DAB1: variants seen among roughly 807,000 people sequenced by gnomAD.
The protein encoded by DAB1 is DAB adaptor protein 1, also known as disabled homolog 1.
Under a neutral mutation model 64.6 loss-of-function variants are expected in DAB1, and 15 were observed. The ratio of observed to expected loss-of-function variants is 0.23; its 90% confidence interval spans 0.16 to 0.36. The LOEUF is 0.36. Among genes scored for constraint, DAB1 ranks in the 10% least tolerant of loss-of-function variants. The pLI is 1.00. For missense variants in DAB1, 596 were observed against 706.7 expected (o/e 0.84, Z 1.78); for synonymous variants, 235 against 251.9 (o/e 0.93, Z 0.64).
At position 57,223,600 on chromosome 1, in the gene DAB1, A is replaced by G. The variant is rs1408409272; in HGVS notation, c.67+67364T>C. Among the ~76,000 whole-genome samples, 4 of 152,182 alleles carry G rather than the reference A, an allele frequency of 2.6e-5. No homozygotes were observed. In the East Asian group the frequency reaches 7.7e-4, roughly 29 times the overall value. On this transcript the variant is annotated intron_variant, in intron 2 of 14. Coordinates refer to ENST00000371236, the MANE Select transcript of DAB1 (RefSeq NM_001365792.1). Reference sequence around the variant, plus strand: ...CTGAGTGGATGGAAGCCACGCCCAAACAAGGATATGATCCCTGGGCAGGCA... The same window carrying G: ...CTGAGTGGATGGAAGCCACGCCCAAGCAAGGATATGATCCCTGGGCAGGCA...
In DAB1 at chr1:57,645,735, C is replaced by G. The variant is rs184161276; in HGVS notation, n.625+3857G>C. Among the ~76,000 whole-genome samples the G allele has an allele frequency of 6.6e-5, 10 of 152,260 alleles. No individual in the cohort carries two copies. The East Asian group carries it at 1.9e-3, about 29-fold the overall frequency. On this transcript the variant is annotated intron_variant and non_coding_transcript_variant, in intron 7 of 20. Coordinates refer to the DAB1 transcript ENST00000485760. The stretch of plus-strand genomic sequence containing the variant: ...TGAAGCTTAAAGGGATTGATTTGCT[C>G]AATGTCAGACAGCTGTTATATCTTG...
chr1:57,577,748 C>A (rs549680225), intron 7 of DAB1, among the ~76,000 whole-genome samples: 1 of 152,316 alleles, frequency 6.6e-6, no homozygotes, highest in South Asian at 2.1e-4. Flanking sequence ...TTTCTGAGGG[C>A]AGACTCTGGA....
intron 1 of DAB1, among the ~76,000 whole-genome samples, chr1:57,321,572 T>C (rs1268808108): frequency 6.6e-6 from 1 of 152,178 alleles, no homozygotes; most frequent in Non-Finnish European, 1.5e-5. Context: ...CTGAATACAC[T>C]TGAAATCACA....
At chr1:58,512,368 T>A (rs1121422) in intron 2 of DAB1, among the ~76,000 whole-genome samples, 47,283 of 151,978 alleles carry the variant, frequency 0.31, 7,784 homozygotes, top group African/African-American at 0.42. Flanking sequence ...TTTTAAAAAG[T>A]ACTATCATTA....
intron 5 of DAB1, among the ~76,000 whole-genome samples, chr1:57,913,206 A>C (rs1644674474): frequency 6.6e-6 from 1 of 152,016 alleles, no homozygotes; most frequent in Non-Finnish European, 1.5e-5. Context: ...CTACAAGGCT[A>C]CTGTAACCAA....
intron 5 of DAB1, among the ~76,000 whole-genome samples, chr1:57,900,224 G>T (rs1302537751): frequency 6.6e-6 from 1 of 152,154 alleles, no homozygotes; most frequent in African/African-American, 2.4e-5. Context: ...GCTATTAGGG[G>T]AAAATTGCAG....
intron 5 of DAB1, among the ~76,000 whole-genome samples, chr1:58,136,543 A>T (rs935920744): frequency 6.6e-6 from 1 of 152,198 alleles, no homozygotes; most frequent in Non-Finnish European, 1.5e-5. Flanking sequence ...TAACATGCAA[A>T]AGCCGTTTCC....
intron 2 of DAB1, among the ~76,000 whole-genome samples, chr1:57,191,147 A>C (rs772564940): frequency 4.6e-5 from 7 of 152,206 alleles, no homozygotes; most frequent in Non-Finnish European, 1.0e-4. Flanking sequence ...GATGGTAAAT[A>C]CAAGCTAATG....
intron 7 of DAB1, among the ~76,000 whole-genome samples, chr1:57,485,889 T>C (rs979208333): frequency 6.6e-6 from 1 of 152,186 alleles, no homozygotes; most frequent in African/African-American, 2.4e-5. Flanking sequence ...ATTCACAAGA[T>C]GATTCATTGC....
chr1:58,126,964 G>T (rs1349967135), intron 5 of DAB1, among the ~76,000 whole-genome samples: 2 of 148,538 alleles, frequency 1.3e-5, no homozygotes, highest in African/African-American at 5.0e-5. Context: ...AGTCATTTGG[G>T]TATATACCCA....
At chr1:57,943,419 TA>T (rs1027829495) in intron 5 of DAB1, among the ~76,000 whole-genome samples, 1 of 152,206 alleles carries the variant, frequency 6.6e-6, no homozygotes, top group African/African-American at 2.4e-5. Context: ...TCCTGAGGCC[TA>T]AATGGATGTG....
intron 5 of DAB1, among the ~76,000 whole-genome samples, chr1:58,149,607 A>C (rs1260718366): frequency 6.6e-6 from 1 of 152,186 alleles, no homozygotes; most frequent in East Asian, 1.9e-4. Flanking sequence ...CAACTCAAAC[A>C]GTTCCCCAGG....
intron 5 of DAB1, among the ~76,000 whole-genome samples, chr1:57,918,862 A>T (rs1179956019): frequency 1.3e-5 from 2 of 151,874 alleles, no homozygotes; most frequent in Non-Finnish European, 2.9e-5. Context: ...ACACAAGAGG[A>T]TCTGCCCCTG....
intron 3 of DAB1, among the ~76,000 whole-genome samples, chr1:58,444,211 T>G (rs1645041451): frequency 6.6e-6 from 1 of 152,246 alleles, no homozygotes; most frequent in Non-Finnish European, 1.5e-5. Flanking sequence ...AACCTTGGTA[T>G]GCACTGTCAT....
intron 9 of DAB1, among the ~76,000 whole-genome samples, chr1:57,040,362 C>T (rs2100473601): frequency 6.6e-6 from 1 of 152,056 alleles, no homozygotes; most frequent in African/African-American, 2.4e-5. Flanking sequence ...CAAGATGGGG[C>T]CAGGGATGGA....
chr1:58,058,174 A>C (rs555515391), intron 5 of DAB1, among the ~76,000 whole-genome samples: 2 of 152,236 alleles, frequency 1.3e-5, no homozygotes, highest in African/African-American at 4.8e-5. Flanking sequence ...GTTAATGCTG[A>C]CTAGTACTCA....
intron 4 of DAB1, among the ~76,000 whole-genome samples, chr1:58,246,008 A>C (rs1475589945): frequency 6.6e-6 from 1 of 152,246 alleles, no homozygotes; most frequent in Non-Finnish European, 1.5e-5. Flanking sequence ...GCCAATGTTT[A>C]GTAATGTGTA....
intron 4 of DAB1, among the ~76,000 whole-genome samples, chr1:58,177,444 G>C (rs1230318142): frequency 6.6e-6 from 1 of 152,140 alleles, no homozygotes. Flanking sequence ...AAAAAAATAA[G>C]TTCCATATAA....
rs143172118 is a variant in DAB1 at position 58,172,626 on chromosome 1, G to A, written n.310-22038C>T. On this transcript the variant is annotated intron_variant and non_coding_transcript_variant, in intron 4 of 20. Transcript: ENST00000485760. ...ATTATAGTACAGACTTATGCCGCCC[G>A]AGATGATCTCTTAGAAGTCCCCTTA... 4.7e-4 allele frequency among the ~76,000 whole-genome samples: 72 copies of A among 152,290 alleles called. 1 individual carries two copies. The highest frequency in any genetic ancestry group is 1.6e-3 in the African/African-American group (66 of 41,550).
Sources: allele counts gnomAD v4.1 joint callset (sites outside exome capture counted in the v4.1 genomes callset), GRCh38; gene constraint gnomAD v4.1.1; transcripts MANE v1.5; gene names NCBI Gene and HGNC (gene_info 2026-07-23, HGNC 2026-07-21).